Variants in HCN1 observed in about 807,000 individuals in gnomAD.
HCN1 encodes potassium/sodium hyperpolarization-activated cyclic nucleotide-gated channel 1.
In HCN1, 13 loss-of-function variants were observed where a neutral mutation model predicts 78.9. The ratio of observed to expected loss-of-function variants is 0.16; its 90% CI spans 0.11 to 0.26. The LOEUF (loss-of-function observed/expected upper bound fraction) is 0.26, where lower values mean the gene tolerates loss of function less well. Among genes scored for constraint, HCN1 ranks in the 10% least tolerant of loss-of-function variants. The pLI, the probability that HCN1 is intolerant of heterozygous loss-of-function variation, is 1.00. For synonymous variants in HCN1, 552 were observed against 455.5 expected, an observed-to-expected ratio of 1.21 and a Z score of -2.70; for missense variants, 810 against 1,154.3, an observed-to-expected ratio of 0.70 and a Z score of 4.32.
At chr5:45,647,733 T>C (rs1391912249) in intron 1 of HCN1, among the ~76,000 whole-genome samples, 1 of 152,060 alleles carries the variant, frequency 6.6e-6, no homozygotes, top group African/African-American at 2.4e-5. Flanking sequence ...CTCCCACATA[T>C]ATTCCTCACA....
At chr5:45,596,052 C>T (rs569245295) in intron 2 of HCN1, among the ~76,000 whole-genome samples, 3 of 151,880 alleles carry the variant, frequency 2.0e-5, no homozygotes, top group Admixed American at 2.0e-4. Context: ...ACCACAACCA[C>T]ACCCGGCTAA....
At chr5:45,392,988 T>TG (rs1254896494) in intron 4 of HCN1, among the ~76,000 whole-genome samples, 1 of 152,124 alleles carries the variant, frequency 6.6e-6, no homozygotes, top group East Asian at 1.9e-4. Flanking sequence ...TCTTGTGCCC[T>TG]GCCATTAGAA....
intron 2 of HCN1, among the ~76,000 whole-genome samples, chr5:45,552,197 A>C (rs779576466): frequency 3.3e-5 from 5 of 151,928 alleles, no homozygotes; most frequent in Non-Finnish European, 5.9e-5. Flanking sequence ...ATATCTCCAG[A>C]AACTGCAAAG....
intron 4 of HCN1, among the ~76,000 whole-genome samples, chr5:45,375,200 A>C (rs1196445836): frequency 2.5e-4 from 29 of 117,322 alleles, no homozygotes; most frequent in Non-Finnish European, 3.6e-4. Flanking sequence ...ATATAATATA[A>C]TATTTTATAA....
At chr5:45,323,245 A>C (rs1286462445) in intron 5 of HCN1, among the ~76,000 whole-genome samples, 1 of 151,912 alleles carries the variant, frequency 6.6e-6, no homozygotes, top group African/African-American at 2.4e-5. Context: ...TAAAAAAATG[A>C]ATATAAACTA....
At chr5:45,653,012 C>T (rs1483701173) in intron 1 of HCN1, among the ~76,000 whole-genome samples, 1 of 152,064 alleles carries the variant, frequency 6.6e-6, no homozygotes, top group Non-Finnish European at 1.5e-5. Flanking sequence ...ATCCACTAGA[C>T]TTTCCTATTG....
intron 5 of HCN1, among the ~76,000 whole-genome samples, chr5:45,342,246 T>A (rs373841110): frequency 6.6e-6 from 1 of 151,988 alleles, no homozygotes; most frequent in African/African-American, 2.4e-5. Context: ...TCCTTTTTTT[T>A]TTTTTGAGAT....
At chr5:45,306,916 G>T (rs756580425) in intron 5 of HCN1, among the ~76,000 whole-genome samples, 2 of 152,020 alleles carry the variant, frequency 1.3e-5, no homozygotes, top group Admixed American at 6.6e-5. Context: ...AGATTATTAA[G>T]TTTATGTTGG....
intron 4 of HCN1, among the ~76,000 whole-genome samples, chr5:45,384,775 A>G (rs1390905640): frequency 6.6e-6 from 1 of 152,142 alleles, no homozygotes; most frequent in Non-Finnish European, 1.5e-5. Context: ...TCATTTATCT[A>G]TGGATTTCTC....
intron 2 of HCN1, among the ~76,000 whole-genome samples, chr5:45,536,927 CCT>C (rs1742978496): frequency 1.3e-5 from 2 of 152,172 alleles, no homozygotes; most frequent in Non-Finnish European, 2.9e-5. Context: ...GCTGCTTTCC[CCT>C]GTTTCCCTGC....
intron 2 of HCN1, among the ~76,000 whole-genome samples, chr5:45,489,796 T>C (rs1159670072): frequency 6.6e-6 from 1 of 152,176 alleles, no homozygotes; most frequent in Non-Finnish European, 1.5e-5. Flanking sequence ...CCAGTGAAGG[T>C]ACGAAGTAGT....
At chr5:45,572,101 T>A (rs1477845612) in intron 2 of HCN1, among the ~76,000 whole-genome samples, 1 of 152,168 alleles carries the variant, frequency 6.6e-6, no homozygotes, top group African/African-American at 2.4e-5. Flanking sequence ...CTCCATTCAT[T>A]TGTACACATT....
chr5:45,341,318 C>T (rs1000640007), intron 5 of HCN1, among the ~76,000 whole-genome samples: 2 of 152,184 alleles, frequency 1.3e-5, no homozygotes, highest in East Asian at 1.9e-4. Context: ...TAACCAACAT[C>T]GTAGACATCA....
In HCN1 at chr5:45,306,534, G is replaced by T. The variant is rs1745737019; in HGVS notation, c.1378-2695C>A. ...CTGATTAAAACTGTAAATTCTAACA[G>T]ATATGATAGAAAAAATGGTAATGAG... On this transcript the variant is annotated intron_variant, in intron 5 of 7. Transcript: ENST00000303230. 1.3e-5 allele frequency among the ~76,000 whole-genome samples: 2 copies of T among 152,026 alleles called. 1 individual carries two copies. Among genetic ancestry groups the T allele is most frequent in the Admixed American group, 1.3e-4 (2 of 15,246 alleles).
chr5:45,542,048 A>G (rs1743116219), intron 2 of HCN1, among the ~76,000 whole-genome samples: 1 of 152,104 alleles, frequency 6.6e-6, no homozygotes, highest in South Asian at 2.1e-4. Context: ...TAATTAATAT[A>G]TTTTTCTATA....
chr5:45,553,623 G>C (rs537598482), intron 2 of HCN1, among the ~76,000 whole-genome samples: 2 of 151,806 alleles, frequency 1.3e-5, no homozygotes, highest in Admixed American at 1.3e-4. Context: ...AAATGGCATA[G>C]TATTTGCATA....
chr5:45,410,296 T>C (rs1579875789), intron 3 of HCN1, among the ~76,000 whole-genome samples: 1 of 152,034 alleles, frequency 6.6e-6, no homozygotes, highest in Non-Finnish European at 1.5e-5. Flanking sequence ...AGGCTGCTGA[T>C]TGCAGATATA....
At chr5:45,354,188 G>A (rs1746965788) in intron 4 of HCN1, among the ~76,000 whole-genome samples, 1 of 151,810 alleles carries the variant, frequency 6.6e-6, no homozygotes, top group Non-Finnish European at 1.5e-5. Flanking sequence ...TATGGAATAA[G>A]AATTTGCATC....
intron 4 of HCN1, among the ~76,000 whole-genome samples, chr5:45,372,221 A>G (rs1747408617): frequency 1.3e-5 from 1 of 74,780 alleles, no homozygotes; most frequent in Non-Finnish European, 2.2e-5. Flanking sequence ...ATAATATAAT[A>G]TATATAATAT....
Sources: allele counts gnomAD v4.1 joint callset (sites outside exome capture counted in the v4.1 genomes callset), GRCh38; gene constraint gnomAD v4.1.1; transcripts MANE v1.5; gene names NCBI Gene and HGNC (gene_info 2026-07-23, HGNC 2026-07-21).